Variants in EDEM3 observed in about 807,000 individuals in gnomAD.
EDEM3 encodes the protein ER degradation-enhancing alpha-mannosidase-like protein 3.
In EDEM3, 60 loss-of-function variants were observed where a neutral mutation model predicts 110.2. The observed-to-expected ratio is 0.54, with a 90% confidence interval of 0.44 to 0.67. The LOEUF (loss-of-function observed/expected upper bound fraction) is 0.67. Among genes scored for constraint, EDEM3 ranks in the 30% least tolerant of loss-of-function variants. EDEM3 has a pLI of 0.00. For missense variants in EDEM3, 996 were observed against 1,121.0 expected (o/e 0.89, Z 1.59); for synonymous variants, 352 against 382.9 (o/e 0.92, Z 0.94).
At chr1:184,715,907 G>A (rs560539916) in intron 13 of EDEM3, among the ~76,000 whole-genome samples, 4 of 152,190 alleles carry the variant, frequency 2.6e-5, no homozygotes, top group South Asian at 2.1e-4. Flanking sequence ...ACCATTATCC[G>A]AACACTAAGT....
At chr1:184,735,827 C>A (rs375486198) in intron 4 of EDEM3, among the ~76,000 whole-genome samples, 3 of 152,142 alleles carry the variant, frequency 2.0e-5, no homozygotes, top group Non-Finnish European at 2.9e-5. Context: ...ACCCTCCATA[C>A]ACATATACAT....
chr1:184,754,356 T>C, intron 1 of EDEM3, 133 bp downstream of exon 1: 2 of 1,422,932 alleles, frequency 1.4e-6, no homozygotes, highest in Non-Finnish European at 1.9e-6. Context: ...TCCACCCCTC[T>C]AGGGTTCTCG....
At chr1:184,751,447 A>T (rs1417307217) in intron 1 of EDEM3, among the ~76,000 whole-genome samples, 1 of 152,188 alleles carries the variant, frequency 6.6e-6, no homozygotes, top group Non-Finnish European at 1.5e-5. Flanking sequence ...TTCAATTTTC[A>T]AGACTGTAAG....
intron 11 of EDEM3, among the ~76,000 whole-genome samples, chr1:184,718,501 T>C (rs1037407659): frequency 2.6e-5 from 4 of 152,070 alleles, no homozygotes; most frequent in African/African-American, 9.7e-5. Context: ...TCTAAGTTGG[T>C]AGAATGCTTA....
chr1:184,710,295 A>G, intron 16 of EDEM3, 99 bp downstream of exon 16: 1 of 1,412,228 alleles, frequency 7.1e-7, no homozygotes, highest in Non-Finnish European at 9.6e-7. Flanking sequence ...CAGTATATTT[A>G]AAGTGTTTAG....
rs148834494 is a variant in EDEM3 at position 184,696,400 on chromosome 1, A to G, written c.2390-1928T>C. ...TCCTGTGCACACACGTACACATAAT[A>G]AAATTATTATGCTTTTCTGTTGTTA... is the stretch of plus-strand genomic sequence containing the variant. On this transcript the variant is annotated intron_variant, in intron 19 of 19. Coordinates refer to ENST00000318130, the MANE Select transcript of EDEM3 (RefSeq NM_025191.4). 3.4e-3 allele frequency among the ~76,000 whole-genome samples: 521 copies of G among 152,002 alleles called. 2 individuals carry two copies. The highest frequency in any genetic ancestry group is 0.012 in the African/African-American group (497 of 41,498).
intron 1 of EDEM3, among the ~76,000 whole-genome samples, chr1:184,753,425 G>C (rs146020723): frequency 7.4e-6 from 1 of 134,956 alleles, no homozygotes; most frequent in Non-Finnish European, 1.6e-5. Context: ...TTTTTTTTTC[G>C]AGACAGAGTT....
At chr1:184,704,649 CAAAAAAAAAAAAAAAAA>C (rs58913815) in intron 18 of EDEM3, among the ~76,000 whole-genome samples, 1 of 29,904 alleles carries the variant, frequency 3.3e-5, no homozygotes, top group African/African-American at 1.1e-4. Flanking sequence ...GACTCTGTCT[CAAAAAAAAAAAAAAAAA>C]AAAAAAAAAA....
At chr1:184,700,069 G>T (rs1649535113) in intron 19 of EDEM3, among the ~76,000 whole-genome samples, 1 of 151,918 alleles carries the variant, frequency 6.6e-6, no homozygotes, top group South Asian at 2.1e-4. Context: ...ATAGACTGTG[G>T]ATAGCTTAAC....
intron 7 of EDEM3, among the ~76,000 whole-genome samples, chr1:184,725,167 A>T (rs1251233600): frequency 7.2e-5 from 11 of 152,164 alleles, no homozygotes; most frequent in Admixed American, 5.2e-4. Context: ...ATTACTGCGT[A>T]TTCAAGAATT....
chr1:184,714,893 C>T (rs938489762), intron 13 of EDEM3, among the ~76,000 whole-genome samples: 1 of 152,194 alleles, frequency 6.6e-6, no homozygotes, highest in African/African-American at 2.4e-5. Flanking sequence ...TAGTTGATCA[C>T]AAGCTCACTG....
At chr1:184,710,646 G>C in intron 15 of EDEM3, 99 bp from the exon 16 acceptor site, 1 of 1,380,950 alleles carries the variant, frequency 7.2e-7, no homozygotes, top group Non-Finnish European at 9.7e-7. Flanking sequence ...AAAATTGCTA[G>C]TTTTAGAACT....
chr1:184,706,398 C>G (rs1302961894), intron 18 of EDEM3, among the ~76,000 whole-genome samples: 3 of 152,074 alleles, frequency 2.0e-5, no homozygotes, highest in Non-Finnish European at 4.4e-5. Flanking sequence ...TCAGCCCTAC[C>G]TCACCCTCAC....
chr1:184,701,448 A>G (rs1268681798), intron 19 of EDEM3: 29 of 1,140,704 alleles, frequency 2.5e-5, no homozygotes, highest in Middle Eastern at 3.1e-4. Context: ...ACACACCCAA[A>G]TACATATATA....
At chr1:184,749,452 G>A in intron 2 of EDEM3, 95 bp downstream of exon 2, 1 of 980,086 alleles carries the variant, frequency 1.0e-6, no homozygotes, top group Non-Finnish European at 1.5e-6. Context: ...TTTAAAAAAT[G>A]TAATTGTATT....
At chr1:184,699,975 T>C (rs1344508045) in intron 19 of EDEM3, among the ~76,000 whole-genome samples, 1 of 151,882 alleles carries the variant, frequency 6.6e-6, no homozygotes, top group Non-Finnish European at 1.5e-5. Context: ...GGGCACACGG[T>C]TGGAATAATT....
Position 184,709,777 on chromosome 1 carries a change from T to C in EDEM3, c.1845+617A>G, listed in dbSNP as rs142755304. ...AGGGTGTGATGAAGTTGTGGGAGGG[T>C]TGAATTTGAGATTAAAGGATACCTG... On this transcript the variant is annotated intron_variant, in intron 16 of 19. Transcript: ENST00000318130. 2.9e-3 allele frequency among the ~76,000 whole-genome samples: 443 copies of C among 152,224 alleles called. 5 individuals are homozygous for C. In the East Asian group the frequency reaches 0.036, roughly 12 times the overall value.
intron 2 of EDEM3, among the ~76,000 whole-genome samples, chr1:184,740,968 A>T (rs888759310): frequency 6.6e-6 from 1 of 152,228 alleles, no homozygotes; most frequent in African/African-American, 2.4e-5. Context: ...TTTGAAGCTG[A>T]TCCAAATTTA....
intron 1 of EDEM3, among the ~76,000 whole-genome samples, chr1:184,750,399 CA>C (rs1558075777): frequency 3.3e-5 from 5 of 152,198 alleles, no homozygotes; most frequent in Non-Finnish European, 1.5e-5. Context: ...TTCAATTAAG[CA>C]CTCTCAAGTT....
Sources: gnomAD v4.1 joint callset for allele counts (sites outside exome capture counted in the v4.1 genomes callset) on GRCh38, gnomAD v4.1.1 for gene constraint, MANE v1.5 for transcripts, NCBI Gene and HGNC (gene_info 2026-07-23, HGNC 2026-07-21) for gene names.